DCC: variants seen among roughly 807,000 people sequenced by gnomAD.
DCC encodes the protein netrin receptor DCC.
Under a neutral mutation model 172.5 loss-of-function variants are expected in DCC, and 58 were observed. The ratio of observed to expected loss-of-function variants is 0.34; its 90% CI spans 0.27 to 0.42. The LOEUF is 0.42. Ranked by LOEUF, DCC falls within the 10% of genes least tolerant of loss-of-function variation. The pLI, the probability that DCC is intolerant of heterozygous loss-of-function variation, is 1.00. For synonymous variants in DCC, 709 were observed against 644.5 expected, an observed-to-expected ratio of 1.10 and a Z score of -1.52; for missense variants, 1,740 against 1,791.0, an observed-to-expected ratio of 0.97 and a Z score of 0.51.
intron 2 of DCC, among the ~76,000 whole-genome samples, chr18:52,831,627 G>A (rs5009876): frequency 0.021 from 3,193 of 152,172 alleles, 123 homozygotes; most frequent in African/African-American, 0.07. Flanking sequence ...AAGATTTTGG[G>A]GCCTGAGAAA....
chr18:53,045,645 T>C (rs2042228192), intron 5 of DCC, among the ~76,000 whole-genome samples: 1 of 151,854 alleles, frequency 6.6e-6, no homozygotes, highest in Admixed American at 6.6e-5. Flanking sequence ...TAATAGTCAA[T>C]GAAAATCCCT....
chr18:52,751,552 C>G (rs1179071228), intron 1 of DCC, among the ~76,000 whole-genome samples: 1 of 152,128 alleles, frequency 6.6e-6, no homozygotes, highest in Admixed American at 6.5e-5. Context: ...GAGCTTTGTC[C>G]TAAATAACTT....
At chr18:53,032,851 C>T (rs929638267) in intron 5 of DCC, among the ~76,000 whole-genome samples, 1 of 152,082 alleles carries the variant, frequency 6.6e-6, no homozygotes, top group Non-Finnish European at 1.5e-5. Flanking sequence ...TCAAGTCAGA[C>T]TAACACTTGA....
intron 2 of DCC, among the ~76,000 whole-genome samples, chr18:52,785,802 C>A (rs972191411): frequency 1.3e-5 from 2 of 151,986 alleles, no homozygotes; most frequent in Non-Finnish European, 2.9e-5. Context: ...AATTATTAAT[C>A]CCCTCATGAC....
rs184281479 is a variant in DCC at position 52,802,286 on chromosome 18, G to C, written c.412+49912G>C. ...GTATCTACCGTTTAATATTGCTATTGCCAGAGTAGCAATCTGGAGGAGAGT... is the reference window on the plus strand; with the variant it reads ...GTATCTACCGTTTAATATTGCTATTCCCAGAGTAGCAATCTGGAGGAGAGT... On this transcript the variant is annotated intron_variant, in intron 2 of 28. Coordinates refer to ENST00000442544, the MANE Select transcript of DCC (RefSeq NM_005215.4). Among the ~76,000 whole-genome samples the C allele has an allele frequency of 2.0e-5, 3 of 152,150 alleles. 1 individual carries two copies. The highest frequency in any genetic ancestry group is 2.0e-4 in the Admixed American group (3 of 15,278).
chr18:52,948,763 T>C (rs983990547), intron 5 of DCC, among the ~76,000 whole-genome samples: 3 of 152,352 alleles, frequency 2.0e-5, no homozygotes, highest in East Asian at 1.9e-4. Context: ...AGGGTTGTTT[T>C]ACAGCAGACT....
intron 1 of DCC, among the ~76,000 whole-genome samples, chr18:52,651,974 A>T (rs1349556619): frequency 1.3e-5 from 2 of 152,230 alleles, no homozygotes; most frequent in Admixed American, 1.3e-4. Context: ...TGGAAGAGAA[A>T]GCCACAGTAT....
At chr18:53,519,458 G>C (rs2046375092) in intron 27 of DCC, among the ~76,000 whole-genome samples, 1 of 151,610 alleles carries the variant, frequency 6.6e-6, no homozygotes, top group African/African-American at 2.4e-5. Flanking sequence ...ACTTCTCAGA[G>C]CCCCAGTACT....
At chr18:52,667,691 G>T (rs142509112) in intron 1 of DCC, among the ~76,000 whole-genome samples, 13 of 152,320 alleles carry the variant, frequency 8.5e-5, no homozygotes, top group Admixed American at 2.6e-4. Flanking sequence ...GCTTTGGGAG[G>T]GTCCAGGCTT....
At chr18:52,844,841 T>A (rs142914251) in intron 2 of DCC, among the ~76,000 whole-genome samples, 1 of 152,352 alleles carries the variant, frequency 6.6e-6, no homozygotes, top group East Asian at 1.9e-4. Context: ...TGAGTGAAGA[T>A]CTGATTTTGA....
chr18:53,238,639 A>G (rs2056239770), intron 12 of DCC, among the ~76,000 whole-genome samples: 1 of 152,164 alleles, frequency 6.6e-6, no homozygotes, highest in African/African-American at 2.4e-5. Flanking sequence ...ATACTAGTAA[A>G]CACTGAAAAT....
intron 23 of DCC, among the ~76,000 whole-genome samples, chr18:53,455,048 G>A (rs1400971085): frequency 2.0e-5 from 3 of 152,152 alleles, no homozygotes; most frequent in Non-Finnish European, 2.9e-5. Context: ...AAAAGATTTG[G>A]AAAGAAAGCA....
At chr18:52,570,834 T>C (rs1407855776) in intron 1 of DCC, among the ~76,000 whole-genome samples, 1 of 152,214 alleles carries the variant, frequency 6.6e-6, no homozygotes, top group Non-Finnish European at 1.5e-5. Context: ...CTTTCTGTAC[T>C]GTACAGTTCA....
At chr18:53,218,032 A>G (rs1489349641) in intron 12 of DCC, among the ~76,000 whole-genome samples, 1 of 151,866 alleles carries the variant, frequency 6.6e-6, no homozygotes, top group East Asian at 1.9e-4. Flanking sequence ...GTGTTTTTTG[A>G]AAGACAGGGT....
chr18:52,925,582 A>G (rs1176420878), intron 5 of DCC, among the ~76,000 whole-genome samples: 1 of 152,030 alleles, frequency 6.6e-6, no homozygotes, highest in African/African-American at 2.4e-5. Context: ...CAGATATATT[A>G]TGCTTTAGTC....
At chr18:52,877,368 G>T (rs2039419005) in intron 2 of DCC, among the ~76,000 whole-genome samples, 1 of 147,568 alleles carries the variant, frequency 6.8e-6, no homozygotes, top group African/African-American at 2.6e-5. Flanking sequence ...AGGGAGGAGG[G>T]TGTGTGTGTG....
intron 15 of DCC, among the ~76,000 whole-genome samples, chr18:53,377,388 A>G (rs1907371366): frequency 7.1e-6 from 1 of 141,576 alleles, no homozygotes; most frequent in Admixed American, 7.1e-5. Flanking sequence ...AGAGAGAGAG[A>G]GGAAGAAGGC....
At chr18:53,494,489 G>A (rs1173763400) in intron 26 of DCC, among the ~76,000 whole-genome samples, 1 of 152,172 alleles carries the variant, frequency 6.6e-6, no homozygotes, top group Non-Finnish European at 1.5e-5. Context: ...ATGAATCTGG[G>A]TGCTCCTGCA....
chr18:53,299,204 G>T (rs2057103662), intron 12 of DCC, among the ~76,000 whole-genome samples: 1 of 152,150 alleles, frequency 6.6e-6, no homozygotes, highest in Admixed American at 6.5e-5. Context: ...TGAGTTCTTT[G>T]CAGCCAGGGA....
Sources: gnomAD v4.1 joint callset for allele counts (sites outside exome capture counted in the v4.1 genomes callset) on GRCh38, gnomAD v4.1.1 for gene constraint, MANE v1.5 for transcripts, NCBI Gene and HGNC (gene_info 2026-07-23, HGNC 2026-07-21) for gene names.